ZBTB46: variants seen among roughly 807,000 people sequenced by gnomAD.
The protein encoded by ZBTB46 is zinc finger and BTB domain-containing protein 46.
Under a neutral mutation model 44.1 loss-of-function variants are expected in ZBTB46, and 8 were observed. That is an observed-to-expected ratio of 0.18 (90% CI 0.11 to 0.33). ZBTB46 has a LOEUF of 0.33. ZBTB46 is among the 10% of genes least tolerant of loss of function. The probability of loss-of-function intolerance (pLI) is 1.00; values close to 1 mark genes in which losing one functional copy is unlikely to be tolerated. For synonymous variants in ZBTB46, 409 were observed against 382.3 expected (o/e 1.07, Z -0.81); for missense variants, 651 against 847.7 (o/e 0.77, Z 2.88).
At chr20:63,768,212 G>T in intron 3 of ZBTB46, 2 of 783,912 alleles carry the variant, frequency 2.6e-6, no homozygotes, top group Non-Finnish European at 1.5e-6. Context: ...AAACTATCCT[G>T]TGAGAAATGA....
chr20:63,792,278 C>T (rs2092567245), intron 1 of ZBTB46, among the ~76,000 whole-genome samples: 1 of 152,184 alleles, frequency 6.6e-6, no homozygotes, highest in Admixed American at 6.5e-5. Flanking sequence ...TGGGTCTCTC[C>T]CGTTACAAAC....
In ZBTB46 at chr20:63,802,135, C is replaced by T. The variant is rs940809383; in HGVS notation, c.-33-11345G>A. ...CAGATGCAATTAATTAAGATGAGGT[C>T]GCTGGGGCTGGACACGATGGCTCAC... On this transcript the variant is annotated intron_variant, in intron 1 of 4. Coordinates refer to ENST00000245663, the MANE Select transcript of ZBTB46 (RefSeq NM_001369741.1). Among the ~76,000 whole-genome samples the T allele has an allele frequency of 3.3e-5, 5 of 151,934 alleles. No homozygotes were observed. In the South Asian group the frequency reaches 6.3e-4, roughly 19 times the overall value.
At position 63,746,224 on chromosome 20, in the gene ZBTB46, C is replaced by T. The variant is rs2092088124; in HGVS notation, c.*706G>A. On this transcript the variant is annotated 3_prime_UTR_variant, in exon 5 of 5. Transcript: ENST00000245663. Reference sequence around the variant, plus strand: ...CCTTGCAGAGGGAACCTGGTGTGGCCTGAAGTGGTGGGGGGCACAGGGCTG... The same window carrying T: ...CCTTGCAGAGGGAACCTGGTGTGGCTTGAAGTGGTGGGGGGCACAGGGCTG... 6 of 152,908 alleles carry T rather than the reference C, an allele frequency of 3.9e-5. No individual in the cohort carries two copies. The highest frequency in any genetic ancestry group is 3.9e-4 in the Admixed American group (6 of 15,296). The allele number at this position is 152,908 out of a possible 1,614,324, so 9.5% of individuals were successfully genotyped here. A position where few individuals can be genotyped will look rare whatever the true frequency, so the allele number is the denominator to read the frequency against.
chr20:63,805,819 G>C (rs1035133285), intron 1 of ZBTB46, among the ~76,000 whole-genome samples: 1 of 151,566 alleles, frequency 6.6e-6, no homozygotes, highest in Admixed American at 6.6e-5. Context: ...GCAGTGGCAC[G>C]ATCTCGGCTC....
chr20:63,827,470 C>T (rs933216450), intron 1 of ZBTB46, among the ~76,000 whole-genome samples: 3 of 151,528 alleles, frequency 2.0e-5, no homozygotes, highest in Non-Finnish European at 4.4e-5. Flanking sequence ...TAGCCGGGCG[C>T]GGTGGCGGGC....
At chr20:63,809,126 C>A (rs1245800679) in intron 1 of ZBTB46, among the ~76,000 whole-genome samples, 3 of 152,322 alleles carry the variant, frequency 2.0e-5, no homozygotes, top group Non-Finnish European at 4.4e-5. Context: ...TCCACGTTCC[C>A]CTTCGCAGGG....
At chr20:63,760,703 T>G (rs901174702) in intron 3 of ZBTB46, among the ~76,000 whole-genome samples, 11 of 152,170 alleles carry the variant, frequency 7.2e-5, no homozygotes, top group Non-Finnish European at 1.2e-4. Flanking sequence ...GTGATCCGCC[T>G]GCCTCGGCCT....
intron 4 of ZBTB46, among the ~76,000 whole-genome samples, chr20:63,751,254 C>T (rs1045603289): frequency 6.6e-6 from 1 of 152,168 alleles, no homozygotes; most frequent in Non-Finnish European, 1.5e-5. Context: ...GGATGTGGGT[C>T]TGCTTCTGGC....
chr20:63,775,556 G>A, intron 3 of ZBTB46, 122 bp downstream of exon 3: 1 of 1,332,906 alleles, frequency 7.5e-7, no homozygotes, highest in Non-Finnish European at 1.0e-6. Context: ...CAACAGGGAG[G>A]TCAGCAGGCG....
At chr20:63,830,498 G>A (rs1043088968) in intron 1 of ZBTB46, among the ~76,000 whole-genome samples, 4 of 150,640 alleles carry the variant, frequency 2.7e-5, no homozygotes, top group African/African-American at 4.8e-5. Context: ...GCCGGCGCCC[G>A]GCGTCCGGGG....
intron 1 of ZBTB46, among the ~76,000 whole-genome samples, chr20:63,807,839 C>T (rs1031319569): frequency 6.6e-6 from 1 of 152,274 alleles, no homozygotes; most frequent in African/African-American, 2.4e-5. Flanking sequence ...GGTCTCACTC[C>T]CAGAGCGGGG....
chr20:63,796,782 A>G (rs1216613514), intron 1 of ZBTB46, among the ~76,000 whole-genome samples: 2 of 152,272 alleles, frequency 1.3e-5, no homozygotes, highest in East Asian at 1.9e-4. Flanking sequence ...CCGAGATCAT[A>G]CCATTGCACT....
At position 63,803,265 on chromosome 20, in the gene ZBTB46, G is replaced by A. The variant is rs2092660768; in HGVS notation, c.-33-12475C>T. ...AGGCGTTCATGGTTTACCTTCTTCT[G>A]AAAAAATTAAGGTTAAGACATGAAT... is the stretch of plus-strand genomic sequence containing the variant. On this transcript the variant is annotated intron_variant, in intron 1 of 4. Coordinates refer to ENST00000245663, the MANE Select transcript of ZBTB46 (RefSeq NM_001369741.1). This position sits in a 1 kb window ranked among gnomAD's most constrained non-coding sequence, Gnocchi z 4.0. 1 of 976,342 alleles carries A rather than the reference G, an allele frequency of 1.0e-6. No homozygotes were observed. Among genetic ancestry groups the A allele is most frequent in the Non-Finnish European group, 1.2e-6 (1 of 821,660 alleles). 60.5% of individuals were successfully genotyped at this position (976,342 alleles called of 1,614,324 possible). A position where few individuals can be genotyped will look rare whatever the true frequency, so the allele number is the denominator to read the frequency against.
At chr20:63,793,456 T>TG in intron 1 of ZBTB46, among the ~76,000 whole-genome samples, 1 of 152,012 alleles carries the variant, frequency 6.6e-6, no homozygotes, top group Non-Finnish European at 1.5e-5. Context: ...ATCCCGAAGC[T>TG]GGGGGGTCCA....
chr20:63,785,380 G>A (rs2092506501), intron 2 of ZBTB46, among the ~76,000 whole-genome samples: 1 of 151,674 alleles, frequency 6.6e-6, no homozygotes, highest in Non-Finnish European at 1.5e-5. Flanking sequence ...GGCCAATATG[G>A]TGAAACCCCG....
chr20:63,828,944 G>C (rs1022181828), intron 1 of ZBTB46, among the ~76,000 whole-genome samples: 1 of 152,256 alleles, frequency 6.6e-6, no homozygotes, highest in African/African-American at 2.4e-5. Context: ...CACAGGGACA[G>C]AGTGGCCCAA....
intron 3 of ZBTB46, among the ~76,000 whole-genome samples, chr20:63,771,598 CCCCCCGAGAGGCCAGG>C (rs1056840052): frequency 3.3e-5 from 5 of 151,684 alleles, no homozygotes; most frequent in African/African-American, 7.3e-5. Flanking sequence ...ACCGCGGCAG[CCCCCCGAGAGGCCAGG>C]CCCCCGGACC....
At chr20:63,776,382 T>G (rs969284373) in intron 2 of ZBTB46, among the ~76,000 whole-genome samples, 1 of 152,226 alleles carries the variant, frequency 6.6e-6, no homozygotes, top group Admixed American at 6.5e-5. Context: ...GCTAAATCTA[T>G]AAAATTCTTA....
chr20:63,759,105 CTTT>C (rs1033128270), intron 3 of ZBTB46, among the ~76,000 whole-genome samples: 5 of 152,142 alleles, frequency 3.3e-5, no homozygotes, highest in African/African-American at 1.2e-4. Flanking sequence ...TCATTATCTT[CTTT>C]AATTTCTCCC....
Sources: allele counts gnomAD v4.1 joint callset (sites outside exome capture counted in the v4.1 genomes callset), GRCh38; gene constraint gnomAD v4.1.1; non-coding constraint Gnocchi (gnomAD v3.1); transcripts MANE v1.5; gene names NCBI Gene and HGNC (gene_info 2026-07-23, HGNC 2026-07-21).